The following FTCDNL1 variants were observed in gnomAD, a reference collection of about 807,000 sequenced individuals.
FTCDNL1 encodes the protein formiminotransferase N-terminal subdomain-containing protein.
A neutral mutation model predicts 5.9 loss-of-function variants in FTCDNL1; 11 were observed. The ratio of observed to expected loss-of-function variants is 1.87; its 90% CI spans 1.18 to 3.10. FTCDNL1 has a LOEUF of 3.10. FTCDNL1 is among the 30% of genes most tolerant of loss of function. The probability of loss-of-function intolerance (pLI) is 0.00; values close to 1 mark genes in which losing one functional copy is unlikely to be tolerated. For missense variants in FTCDNL1, 115 were observed against 65.5 expected (o/e 1.76, Z -2.61); for synonymous variants, 58 against 24.8 (o/e 2.34, Z -3.99).
At chr2:199,842,596 T>C (rs1574689161) in intron 3 of FTCDNL1, among the ~76,000 whole-genome samples, 1 of 152,328 alleles carries the variant, frequency 6.6e-6, no homozygotes, top group East Asian at 1.9e-4. Context: ...AATACCAACT[T>C]TGGACCCACT....
At chr2:199,790,980 C>T (rs1490062593) in intron 3 of FTCDNL1, among the ~76,000 whole-genome samples, 1 of 151,996 alleles carries the variant, frequency 6.6e-6, no homozygotes, top group Non-Finnish European at 1.5e-5. Context: ...ACACCACTGG[C>T]AAGTGTGGAC....
At chr2:199,814,118 T>C (rs1487610863) in intron 4 of FTCDNL1, among the ~76,000 whole-genome samples, 1 of 152,094 alleles carries the variant, frequency 6.6e-6, no homozygotes, top group African/African-American at 2.4e-5. Context: ...CATAAACAGT[T>C]ATTATACCAA....
At chr2:199,689,810 T>TAAA in the FTCDNL1 span, among the ~76,000 whole-genome samples, 43 of 116,932 alleles carry the variant, frequency 3.7e-4, no homozygotes, top group Middle Eastern at 4.5e-3. Flanking sequence ...AAACTCCGTC[T>TAAA]AAAAAAAAAA....
the FTCDNL1 span, among the ~76,000 whole-genome samples, chr2:199,684,048 G>A: frequency 1.3e-5 from 2 of 152,156 alleles, no homozygotes; most frequent in South Asian, 2.1e-4. Flanking sequence ...AATACCATCA[G>A]GTAATTAGGA....
chr2:199,802,450 G>A (rs1303017119), intron 3 of FTCDNL1, among the ~76,000 whole-genome samples: 1 of 152,236 alleles, frequency 6.6e-6, no homozygotes, highest in East Asian at 1.9e-4. Flanking sequence ...TGCATAAAAT[G>A]TAGGGATGTG....
At chr2:199,704,904 C>T in the FTCDNL1 span, among the ~76,000 whole-genome samples, 1 of 152,114 alleles carries the variant, frequency 6.6e-6, no homozygotes, top group Non-Finnish European at 1.5e-5. Context: ...TGCTATAAAA[C>T]AAGGATTGAA....
chr2:199,757,165 C>T (rs1021443782), downstream of FTCDNL1, among the ~76,000 whole-genome samples: 2 of 152,186 alleles, frequency 1.3e-5, no homozygotes, highest in African/African-American at 4.8e-5. Flanking sequence ...AGAAGAACCT[C>T]CTCTTTGTTG....
At chr2:199,834,697 T>G (rs1702597573) in intron 3 of FTCDNL1, among the ~76,000 whole-genome samples, 1 of 152,188 alleles carries the variant, frequency 6.6e-6, no homozygotes, top group African/African-American at 2.4e-5. Context: ...TGGGACTGGT[T>G]CCAAATGTGG....
intron 3 of FTCDNL1, among the ~76,000 whole-genome samples, chr2:199,765,313 T>C (rs1698462768): frequency 6.6e-6 from 1 of 151,698 alleles, no homozygotes; most frequent in South Asian, 2.1e-4. Context: ...GTGGGGGGAA[T>C]GTTGATAATG....
chr2:199,790,686 C>T (rs1176823286), intron 3 of FTCDNL1, among the ~76,000 whole-genome samples: 2 of 151,888 alleles, frequency 1.3e-5, no homozygotes, highest in African/African-American at 4.8e-5. Flanking sequence ...TTAAACATAT[C>T]CACACTGTCA....
intron 3 of FTCDNL1, among the ~76,000 whole-genome samples, chr2:199,779,687 A>C (rs1027719627): frequency 3.3e-5 from 5 of 152,160 alleles, no homozygotes; most frequent in Non-Finnish European, 7.4e-5. Flanking sequence ...AGGACAATCA[A>C]ACCTGGAAAA....
Position 199,793,317 on chromosome 2 carries a change from C to T in FTCDNL1, c.212-32482G>A, listed in dbSNP as rs187844345. ...GGCATAATTCTTATCTAGTCCTCAA[C>T]AGAAACCCTCTGAGAGTTAGTTTCA... On this transcript the variant is annotated intron_variant, in intron 3 of 3. Coordinates refer to the FTCDNL1 transcript ENST00000416668. 3.2e-3 allele frequency among the ~76,000 whole-genome samples: 494 copies of T among 152,182 alleles called. 7 individuals carry two copies. Among genetic ancestry groups the T allele is most frequent in the South Asian group, 0.013 (62 of 4,804 alleles).
At chr2:199,769,443 CTT>C (rs1698698986) in intron 3 of FTCDNL1, among the ~76,000 whole-genome samples, 1 of 151,480 alleles carries the variant, frequency 6.6e-6, no homozygotes, top group South Asian at 2.1e-4. Flanking sequence ...TAAGACATGA[CTT>C]TGCTCCTCAT....
the FTCDNL1 span, among the ~76,000 whole-genome samples, chr2:199,729,926 ACAT>A: frequency 9.9e-5 from 15 of 152,186 alleles, no homozygotes; most frequent in Non-Finnish European, 1.6e-4. Context: ...AAAGCTAGAG[ACAT>A]CATGCTACCT....
At chr2:199,688,895 A>G in the FTCDNL1 span, among the ~76,000 whole-genome samples, 1 of 152,280 alleles carries the variant, frequency 6.6e-6, no homozygotes, top group African/African-American at 2.4e-5. Context: ...CATTATTTCT[A>G]TAGCACTTCT....
At chr2:199,687,518 G>C in the FTCDNL1 span, among the ~76,000 whole-genome samples, 1 of 152,214 alleles carries the variant, frequency 6.6e-6, no homozygotes, top group African/African-American at 2.4e-5. Context: ...AGGTGAGCCA[G>C]TTAATGTTAT....
intron 3 of FTCDNL1, among the ~76,000 whole-genome samples, chr2:199,790,038 G>T (rs1699843361): frequency 6.6e-6 from 1 of 152,110 alleles, no homozygotes; most frequent in East Asian, 1.9e-4. Flanking sequence ...ATGTCATTTT[G>T]ATTAGAATTT....
At chr2:199,770,188 A>G (rs904117057) in intron 3 of FTCDNL1, among the ~76,000 whole-genome samples, 5 of 152,202 alleles carry the variant, frequency 3.3e-5, no homozygotes, top group African/African-American at 1.2e-4. Context: ...GGCACTCAAC[A>G]AAAGTCTTTC....
intron 3 of FTCDNL1, among the ~76,000 whole-genome samples, chr2:199,826,786 TC>T (rs939078029): frequency 3.3e-5 from 5 of 152,226 alleles, no homozygotes; most frequent in African/African-American, 1.2e-4. Context: ...AGAGCAAGAC[TC>T]CGTCTCAAAA....
Sources: gnomAD v4.1 joint callset for allele counts (sites outside exome capture counted in the v4.1 genomes callset) on GRCh38, gnomAD v4.1.1 for gene constraint, MANE v1.5 for transcripts, NCBI Gene and HGNC (gene_info 2026-07-23, HGNC 2026-07-21) for gene names.